The following SCAF11 variants were observed in gnomAD, a reference collection of about 807,000 sequenced individuals.
SCAF11 encodes the protein SR-related CTD associated factor 11.
In SCAF11, 47 loss-of-function variants were observed where a neutral mutation model predicts 140.5. The observed-to-expected ratio is 0.33, with a 90% CI of 0.26 to 0.43. The LOEUF is 0.43. Among genes scored for constraint, SCAF11 ranks in the 20% least tolerant of loss-of-function variants. The pLI, the probability that SCAF11 is intolerant of heterozygous loss-of-function variation, is 1.00. For missense variants in SCAF11, 1,645 were observed against 1,705.1 expected (o/e 0.96, Z 0.62); for synonymous variants, 557 against 579.4 (o/e 0.96, Z 0.55).
At chr12:45,933,101 AC>A in intron 9 of SCAF11, 29 bp downstream of exon 9, 1 of 1,437,202 alleles carries the variant, frequency 7.0e-7, no homozygotes, top group Non-Finnish European at 9.7e-7. Flanking sequence ...TAGCATGTAA[AC>A]ACCTGAGTAA....
At chr12:45,934,335 A>G in intron 7 of SCAF11, 50 bp from the exon 8 acceptor site, 1 of 1,387,564 alleles carries the variant, frequency 7.2e-7, no homozygotes, top group Non-Finnish European at 1.0e-6. Context: ...TAACAGGTAA[A>G]TAATAGTTAT....
chr12:45,975,472 C>A, intron 1 of SCAF11: 1 of 160,468 alleles, frequency 6.2e-6, no homozygotes, highest in Non-Finnish European at 1.3e-5. Context: ...GCTTCCGCAT[C>A]ACCACTTGCT....
chr12:45,942,621 T>C (rs150728063), intron 6 of SCAF11, among the ~76,000 whole-genome samples: 129 of 152,346 alleles, frequency 8.5e-4, no homozygotes, highest in African/African-American at 3.0e-3. Flanking sequence ...AGAATATTCC[T>C]GTCTCAGGCT....
chr12:45,941,487 A>G (rs952844763), intron 6 of SCAF11, among the ~76,000 whole-genome samples: 3 of 152,182 alleles, frequency 2.0e-5, no homozygotes, highest in African/African-American at 7.2e-5. Context: ...ACTGCTGTAC[A>G]TCTATACATT....
chr12:45,986,060 G>C (rs1236739188), intron 1 of SCAF11, among the ~76,000 whole-genome samples: 1 of 152,092 alleles, frequency 6.6e-6, no homozygotes, highest in African/African-American at 2.4e-5. Flanking sequence ...TTAAATGTTA[G>C]AGGTCATTGT....
chr12:45,953,771 TAC>T (rs1324714323), intron 3 of SCAF11: 1 of 433,872 alleles, frequency 2.3e-6, no homozygotes, highest in Non-Finnish European at 4.2e-6. Context: ...TCGAGCAAGT[TAC>T]AGTCTCTCTG....
chr12:45,938,288 G>A (rs1488513363), intron 6 of SCAF11, among the ~76,000 whole-genome samples: 2 of 152,160 alleles, frequency 1.3e-5, no homozygotes, highest in African/African-American at 2.4e-5. Flanking sequence ...TCAGGAGTTC[G>A]AGACCAGCCT....
At chr12:45,942,324 C>T (rs931618204) in intron 6 of SCAF11, among the ~76,000 whole-genome samples, 4 of 152,202 alleles carry the variant, frequency 2.6e-5, no homozygotes, top group African/African-American at 7.2e-5. Flanking sequence ...CAAGCCACTA[C>T]AATTTGTGGC....
intron 12 of SCAF11, 53 bp from the exon 13 acceptor site, chr12:45,923,207 CT>C: frequency 6.8e-7 from 1 of 1,474,260 alleles, no homozygotes; most frequent in Non-Finnish European, 9.5e-7. Context: ...CGATAGAAGT[CT>C]TTTAGTGATG....
At chr12:45,955,190 C>T (rs1050144214) in intron 3 of SCAF11, 2 of 151,922 alleles carry the variant, frequency 1.3e-5, no homozygotes, top group African/African-American at 4.8e-5. Flanking sequence ...AACAGGGTCT[C>T]ACCCTCTTGC....
At position 45,922,948 on chromosome 12, in the gene SCAF11, C is replaced by A; in HGVS notation, c.4113G>T (p.Ser1371=). ...SVAVEASADS[S]KTDKKLQIQE... ...ACCTTGAACTTGCCTTGTCTGTCTT[C>A]GAGCTATCTGCGCTGGCTTCCACTG... is the stretch of plus-strand genomic sequence containing the variant. The change falls in exon 13 of 15, where the codon TCG becomes TCT. Residue 1371 remains serine (S), a synonymous_variant. Transcript: ENST00000369367. 2 of 1,614,072 alleles carry A rather than the reference C, an allele frequency of 1.2e-6. No individual in the cohort carries two copies. Among genetic ancestry groups the A allele is most frequent in the African/African-American group, 1.3e-5 (1 of 75,046 alleles).
At chr12:45,972,897 T>TATAG (rs1203114002) in intron 1 of SCAF11, among the ~76,000 whole-genome samples, 859 of 64,816 alleles carry the variant, frequency 0.013, 52 homozygotes, top group African/African-American at 0.047. Context: ...TATATAGATA[T>TATAG]ATATATATAT....
chr12:45,972,881 GATATATATATAGATATATATAT>G (rs1404077712), intron 1 of SCAF11, among the ~76,000 whole-genome samples: 2 of 18,944 alleles, frequency 1.1e-4, no homozygotes, highest in Admixed American at 7.2e-4. Flanking sequence ...TATATATATA[GATATATATATAGATATATATAT>G]ATATAGATAT....
chr12:45,945,363 T>C lies in SCAF11; in HGVS notation c.399-50A>G, dbSNP rs775977794. The C allele has an allele frequency of 4.5e-6, 5 of 1,110,260 alleles. No individual in the cohort carries two copies. The East Asian group carries it at 1.2e-4, about 26-fold the overall frequency. The allele number at this position is 1,110,260 out of a possible 1,614,324, so 68.8% of individuals were successfully genotyped here. A position where few individuals can be genotyped will look rare whatever the true frequency, so the allele number is the denominator to read the frequency against. On this transcript the variant is annotated intron_variant, in intron 5 of 14. Coordinates refer to ENST00000369367, the MANE Select transcript of SCAF11 (RefSeq NM_004719.3). The stretch of plus-strand genomic sequence containing the variant: ...AAGAATTAAGAAAAAAACTGTCATT[T>C]TGCTCACTTATTTTCAACTCATTCT...
At chr12:45,952,198 A>C (rs1186192308) in intron 3 of SCAF11, among the ~76,000 whole-genome samples, 1 of 151,794 alleles carries the variant, frequency 6.6e-6, no homozygotes, top group Non-Finnish European at 1.5e-5. Context: ...AAAATGAAGT[A>C]CTCCTTCACC....
Position 45,948,771 on chromosome 12 carries a change from C to T in SCAF11, c.298-234G>A, listed in dbSNP as rs114412547. 5.1e-3 allele frequency among the ~76,000 whole-genome samples: 781 copies of T among 152,164 alleles called. 3 individuals carry two copies. The highest frequency in any genetic ancestry group is 0.018 in the African/African-American group (736 of 41,518). Reference sequence around the variant, plus strand: ...GCATAAACAGATTAAGTGCTTATAACAGAGATATGAACACAGATTTGTATA... The same window carrying T: ...GCATAAACAGATTAAGTGCTTATAATAGAGATATGAACACAGATTTGTATA... On this transcript the variant is annotated intron_variant, in intron 4 of 14. Coordinates refer to ENST00000369367, the MANE Select transcript of SCAF11 (RefSeq NM_004719.3).
intron 1 of SCAF11, among the ~76,000 whole-genome samples, chr12:45,973,029 GATATAGAT>G (rs1266284946): frequency 7.0e-6 from 1 of 142,616 alleles, no homozygotes. Context: ...TAGATATATA[GATATAGAT>G]ATATAGATAT....
At chr12:45,953,123 A>G (rs575388653) in intron 3 of SCAF11, among the ~76,000 whole-genome samples, 1 of 152,312 alleles carries the variant, frequency 6.6e-6, no homozygotes, top group African/African-American at 2.4e-5. Context: ...ACTATATTAA[A>G]TTGGTTCAGA....
chr12:45,931,399 T>C, intron 10 of SCAF11, 107 bp downstream of exon 10: 2 of 531,172 alleles, frequency 3.8e-6, no homozygotes, highest in East Asian at 3.5e-5. Context: ...CAAGTTACTA[T>C]GCCTTACTTT....
Sources: allele counts gnomAD v4.1 joint callset (sites outside exome capture counted in the v4.1 genomes callset), GRCh38; gene constraint gnomAD v4.1.1; transcripts MANE v1.5; gene names NCBI Gene and HGNC (gene_info 2026-07-23, HGNC 2026-07-21).